The following RFX4 variants were observed in gnomAD, a reference collection of about 807,000 sequenced individuals.
The protein encoded by RFX4 is regulatory factor X4, also known as transcription factor RFX4.
In RFX4, 10 loss-of-function variants were observed where a neutral mutation model predicts 95.0. The ratio of observed to expected loss-of-function variants is 0.11; its 90% CI spans 0.06 to 0.18. The LOEUF is 0.18. Ranked by LOEUF, RFX4 falls within the 10% of genes least tolerant of loss-of-function variation. The pLI, the probability that RFX4 is intolerant of heterozygous loss-of-function variation, is 1.00. For synonymous variants in RFX4, 321 were observed against 340.7 expected, an observed-to-expected ratio of 0.94 and a Z score of 0.64; for missense variants, 640 against 922.0, an observed-to-expected ratio of 0.69 and a Z score of 3.96.
At chr12:106,584,663 C>T (rs1429660278) in intron 1 of RFX4, among the ~76,000 whole-genome samples, 1 of 152,234 alleles carries the variant, frequency 6.6e-6, no homozygotes, top group African/African-American at 2.4e-5. Flanking sequence ...CCCAGAAGGT[C>T]TTTCCTCGGT....
intron 4 of RFX4, among the ~76,000 whole-genome samples, chr12:106,671,789 G>A (rs567966326): frequency 1.3e-5 from 2 of 152,246 alleles, no homozygotes; most frequent in Admixed American, 6.5e-5. Flanking sequence ...AGCCTCCTGA[G>A]TAGCTGGGAC....
chr12:106,713,207 A>C (rs1026061828), intron 10 of RFX4, among the ~76,000 whole-genome samples: 18 of 152,280 alleles, frequency 1.2e-4, no homozygotes, highest in Admixed American at 7.2e-4. Flanking sequence ...GTCAGACTAA[A>C]CAACGTCCAA....
intron 11 of RFX4, among the ~76,000 whole-genome samples, chr12:106,717,925 T>C (rs2042324182): frequency 6.6e-6 from 1 of 152,228 alleles, no homozygotes. Context: ...TGCAGTGCTC[T>C]TCTTTCCTCA....
At chr12:106,601,762 T>C (rs2039716347) in intron 1 of RFX4, among the ~76,000 whole-genome samples, 4 of 152,212 alleles carry the variant, frequency 2.6e-5, no homozygotes, top group African/African-American at 9.6e-5. Flanking sequence ...TAACGGACTC[T>C]TCCACCTGTC....
chr12:106,700,993 G>A (rs2041979637), intron 8 of RFX4, among the ~76,000 whole-genome samples: 1 of 152,002 alleles, frequency 6.6e-6, no homozygotes, highest in African/African-American at 2.4e-5. Context: ...CCAACTCATC[G>A]GTGTAATATA....
At chr12:106,679,037 G>A (rs751350871) in intron 4 of RFX4, among the ~76,000 whole-genome samples, 11 of 152,072 alleles carry the variant, frequency 7.2e-5, no homozygotes, top group Admixed American at 1.3e-4. Context: ...TTTTAAAAAC[G>A]CTCTGGGGAA....
chr12:106,637,296 A>G (rs757964685), intron 2 of RFX4, among the ~76,000 whole-genome samples: 2 of 152,254 alleles, frequency 1.3e-5, no homozygotes, highest in Non-Finnish European at 1.5e-5. Context: ...AGTGCTTACA[A>G]GCAGACATTT....
At chr12:106,663,601 G>C (rs2041118346) in intron 4 of RFX4, among the ~76,000 whole-genome samples, 1 of 151,932 alleles carries the variant, frequency 6.6e-6, no homozygotes, top group African/African-American at 2.4e-5. Flanking sequence ...AAAAGGAGTG[G>C]TGAGAGGAGT....
At chr12:106,601,167 C>A in intron 1 of RFX4, 6 of 1,499,390 alleles carry the variant, frequency 4.0e-6, no homozygotes, top group African/African-American at 1.4e-5. Flanking sequence ...ACCTGAGCCA[C>A]CCCCTGGAGA....
In RFX4 at chr12:106,662,496, T is replaced by C. The variant is rs547958412; in HGVS notation, c.315+8145T>C. Among the ~76,000 whole-genome samples the C allele has an allele frequency of 1.1e-4, 17 of 152,320 alleles. No individual in the cohort carries two copies. In the South Asian group the frequency reaches 1.9e-3, roughly 17 times the overall value. On this transcript the variant is annotated intron_variant, in intron 4 of 17. Coordinates refer to ENST00000392842, the MANE Select transcript of RFX4 (RefSeq NM_213594.3). ...AGATGTGTCTCTTGCAAATATTTTC[T>C]CCCAGCCTGTGGCTTATCTTCTCAT...
intron 5 of RFX4, chr12:106,683,491 A>C (rs900297764): frequency 8.7e-5 from 13 of 149,212 alleles, no homozygotes; most frequent in African/African-American, 2.7e-4. Context: ...AAAAAAAAAA[A>C]AAAAACAAAC....
rs566122133 is a variant in RFX4, at chr12:106,753,946, A to AG, written c.1935+3158dup. Reference sequence around the variant, plus strand: ...TGAACCAAGGGGGACTGGTGGAGGCAGGGGGCTCTGCTCCAAAGCACTTGC... The same window carrying AG: ...TGAACCAAGGGGGACTGGTGGAGGCAGGGGGGCTCTGCTCCAAAGCACTTGC... On this transcript the variant is annotated intron_variant, in intron 17 of 17. Transcript: ENST00000392842. Among the ~76,000 whole-genome samples the AG allele has an allele frequency of 1.8e-3, 273 of 152,320 alleles. 1 individual carries two copies. Among genetic ancestry groups the AG allele is most frequent in the African/African-American group, 6.1e-3 (252 of 41,584 alleles).
At chr12:106,681,664 T>C (rs2041517077) in intron 4 of RFX4, among the ~76,000 whole-genome samples, 2 of 152,192 alleles carry the variant, frequency 1.3e-5, no homozygotes, top group African/African-American at 4.8e-5. Context: ...TGGGTTTTAG[T>C]TCCAGGTGCT....
chr12:106,628,356 C>T (rs893376002), intron 2 of RFX4, among the ~76,000 whole-genome samples: 1 of 152,174 alleles, frequency 6.6e-6, no homozygotes, highest in African/African-American at 2.4e-5. Context: ...CAGCACTTAA[C>T]ATAGTAGGGC....
At chr12:106,722,112 A>G (rs532561194) in intron 13 of RFX4, among the ~76,000 whole-genome samples, 4 of 152,270 alleles carry the variant, frequency 2.6e-5, no homozygotes, top group Non-Finnish European at 5.9e-5. Context: ...GCCATCAGGC[A>G]TGGCATTTTG....
At chr12:106,752,996 C>G (rs2043037852) in intron 17 of RFX4, among the ~76,000 whole-genome samples, 1 of 152,094 alleles carries the variant, frequency 6.6e-6, no homozygotes, top group Non-Finnish European at 1.5e-5. Flanking sequence ...AAGACAGAAG[C>G]CTTCCTGGTG....
At chr12:106,672,503 A>C (rs984350364) in intron 4 of RFX4, among the ~76,000 whole-genome samples, 1 of 152,160 alleles carries the variant, frequency 6.6e-6, no homozygotes, top group African/African-American at 2.4e-5. Context: ...ATCCATACAA[A>C]AAAAGAAAGA....
intron 4 of RFX4, among the ~76,000 whole-genome samples, chr12:106,678,435 T>A (rs2041439937): frequency 6.6e-6 from 1 of 152,210 alleles, no homozygotes; most frequent in Non-Finnish European, 1.5e-5. Flanking sequence ...TTCAATTATC[T>A]ACGTATTGTT....
At chr12:106,723,375 G>C (rs902831027) in intron 13 of RFX4, among the ~76,000 whole-genome samples, 4 of 152,142 alleles carry the variant, frequency 2.6e-5, no homozygotes, top group Non-Finnish European at 2.9e-5. Context: ...TCAGTTCCTA[G>C]AGTACCTAGA....
Sources: allele counts gnomAD v4.1 joint callset (sites outside exome capture counted in the v4.1 genomes callset), GRCh38; gene constraint gnomAD v4.1.1; transcripts MANE v1.5; gene names NCBI Gene and HGNC (gene_info 2026-07-23, HGNC 2026-07-21).